TRAF3IP1: variants seen among roughly 807,000 people sequenced by gnomAD.
TRAF3IP1 encodes the protein TRAF3-interacting protein 1.
A neutral mutation model predicts 89.9 loss-of-function variants in TRAF3IP1; 53 were observed. That is an observed-to-expected ratio of 0.59 (90% CI 0.47 to 0.74). The LOEUF is 0.74. TRAF3IP1 is among the 30% of genes least tolerant of loss of function. The pLI is 0.00. For synonymous variants in TRAF3IP1, 311 were observed against 322.1 expected (o/e 0.97, Z 0.37); for missense variants, 806 against 866.1 (o/e 0.93, Z 0.87).
At chr2:238,383,151 C>T (rs1050196465) in intron 15 of TRAF3IP1, among the ~76,000 whole-genome samples, 2 of 152,186 alleles carry the variant, frequency 1.3e-5, no homozygotes, top group African/African-American at 4.8e-5. Flanking sequence ...GGAATACTCA[C>T]CCACTATAGG....
intron 8 of TRAF3IP1, among the ~76,000 whole-genome samples, chr2:238,338,765 A>G (rs575060303): frequency 4.6e-5 from 7 of 152,358 alleles, no homozygotes; most frequent in Non-Finnish European, 8.8e-5. Context: ...GGCTGATGAC[A>G]TAGAGAAACG....
At chr2:238,372,135 T>A (rs1171715874) in intron 15 of TRAF3IP1, among the ~76,000 whole-genome samples, 1 of 152,170 alleles carries the variant, frequency 6.6e-6, no homozygotes, top group African/African-American at 2.4e-5. Flanking sequence ...CACTTTCTTT[T>A]TCATTTTTAT....
chr2:238,370,972 G>A (rs1700085625), intron 15 of TRAF3IP1, among the ~76,000 whole-genome samples: 1 of 152,186 alleles, frequency 6.6e-6, no homozygotes, highest in Non-Finnish European at 1.5e-5. Context: ...CCCATCACGA[G>A]GCCTCTGAGT....
chr2:238,344,356 C>T, intron 8 of TRAF3IP1, 141 bp from the exon 9 acceptor site: 1 of 680,962 alleles, frequency 1.5e-6, no homozygotes. Context: ...TAAAAGCTGC[C>T]TTTGGTCAGT....
rs149035336 is a variant in TRAF3IP1, at chr2:238,350,096, A to G, written c.1451+688A>G. Among the ~76,000 whole-genome samples the G allele has an allele frequency of 1.0e-3, 154 of 152,256 alleles. 2 individuals are homozygous for G. The highest frequency in any genetic ancestry group is 3.5e-3 in the African/African-American group (145 of 41,562). ...AAAAAAAAATAAAGTCATAAGCAAT[A>G]TAAAGACAAACAACAGATAGGATGG... On this transcript the variant is annotated intron_variant, in intron 12 of 16. Coordinates refer to ENST00000373327, the MANE Select transcript of TRAF3IP1 (RefSeq NM_015650.4).
chr2:238,351,205 A>AC lies in TRAF3IP1; in HGVS notation c.1452-1619dup, dbSNP rs1471173437. Among the ~76,000 whole-genome samples the AC allele has an allele frequency of 1.3e-5, 2 of 151,936 alleles. No individual in the cohort carries two copies. The highest frequency in any genetic ancestry group is 2.9e-5 in the Non-Finnish European group (2 of 67,992). ...GGGATCATCCCAGCAGGGTTCAGGG[A>AC]CCCAAGGCCAGGATTTTGGAAGGAT... is the stretch of plus-strand genomic sequence containing the variant. On this transcript the variant is annotated intron_variant, in intron 12 of 16. Coordinates refer to ENST00000373327, the MANE Select transcript of TRAF3IP1 (RefSeq NM_015650.4). The surrounding 1 kb of genome is among the most constrained non-coding windows in gnomAD (Gnocchi z 5.2).
intron 3 of TRAF3IP1, among the ~76,000 whole-genome samples, chr2:238,328,083 T>C (rs181659925): frequency 6.6e-6 from 1 of 152,304 alleles, no homozygotes; most frequent in African/African-American, 2.4e-5. Context: ...CCGTTTTCTA[T>C]TTTTTTGGAT....
Position 238,365,387 on chromosome 2 carries a change from C to T in TRAF3IP1, c.1689+9307C>T, listed in dbSNP as rs142271499. 7.1e-3 allele frequency among the ~76,000 whole-genome samples: 1,077 copies of T among 152,208 alleles called. 12 individuals carry two copies. The highest frequency in any genetic ancestry group is 0.024 in the African/African-American group (991 of 41,498). On this transcript the variant is annotated intron_variant, in intron 15 of 16. Coordinates refer to ENST00000373327, the MANE Select transcript of TRAF3IP1 (RefSeq NM_015650.4). The stretch of plus-strand genomic sequence containing the variant: ...GTTAAAGAAATAAAAATGGGCCAGG[C>T]GCGGTGGCCAACGTTTGTAATCCTA...
intron 7 of TRAF3IP1, among the ~76,000 whole-genome samples, chr2:238,335,132 C>A (rs1698323431): frequency 6.6e-6 from 1 of 152,102 alleles, no homozygotes; most frequent in East Asian, 1.9e-4. Context: ...CAGTTTGTTT[C>A]TACTAATTAT....
At chr2:238,384,590 G>C (rs1377338545) in intron 15 of TRAF3IP1, among the ~76,000 whole-genome samples, 1 of 122,900 alleles carries the variant, frequency 8.1e-6, no homozygotes, top group Non-Finnish European at 1.7e-5. Flanking sequence ...TTACCATGTT[G>C]GCCAGGCTGG....
At chr2:238,322,282 G>A (rs796760635) in intron 1 of TRAF3IP1, among the ~76,000 whole-genome samples, 2 of 152,366 alleles carry the variant, frequency 1.3e-5, no homozygotes, top group South Asian at 4.1e-4. Flanking sequence ...AGAGCCCCAG[G>A]AGGGAGGTGC....
intron 15 of TRAF3IP1, among the ~76,000 whole-genome samples, chr2:238,372,205 T>C (rs1206883963): frequency 6.6e-6 from 1 of 152,210 alleles, no homozygotes; most frequent in East Asian, 1.9e-4. Flanking sequence ...TAGGTATACA[T>C]GTGCCATGTT....
At chr2:238,370,510 C>T (rs528531145) in intron 15 of TRAF3IP1, among the ~76,000 whole-genome samples, 3 of 152,108 alleles carry the variant, frequency 2.0e-5, no homozygotes, top group Admixed American at 6.5e-5. Context: ...TCTCCCTGGC[C>T]GTGTGGGTGC....
chr2:238,383,448 C>T (rs931666290), intron 15 of TRAF3IP1, among the ~76,000 whole-genome samples: 10 of 152,198 alleles, frequency 6.6e-5, no homozygotes, highest in Admixed American at 1.3e-4. Context: ...TGTCAGTCAT[C>T]ATCCAACAGG....
At chr2:238,377,920 G>A (rs1350012527) in intron 15 of TRAF3IP1, among the ~76,000 whole-genome samples, 1 of 152,120 alleles carries the variant, frequency 6.6e-6, no homozygotes, top group Admixed American at 6.6e-5. Context: ...CATTTTGACT[G>A]TCAGTTTTTT....
At position 238,351,073 on chromosome 2, in the gene TRAF3IP1, A is replaced by C. The variant is rs1461292411; in HGVS notation, c.1451+1665A>C. On this transcript the variant is annotated intron_variant, in intron 12 of 16. Transcript: ENST00000373327. The surrounding 1 kb of genome is among the most constrained non-coding windows in gnomAD (Gnocchi z 5.2). ...GGTCCTAGGGCGGTGAGCTGGGAATATAGATAGTGGTGGTAAAGGAGTGGG... is the reference window on the plus strand; with the variant it reads ...GGTCCTAGGGCGGTGAGCTGGGAATCTAGATAGTGGTGGTAAAGGAGTGGG... Among the ~76,000 whole-genome samples, 2 of 152,086 alleles carry C rather than the reference A, an allele frequency of 1.3e-5. No individual in the cohort carries two copies. Among genetic ancestry groups the C allele is most frequent in the Non-Finnish European group, 2.9e-5 (2 of 68,016 alleles).
intron 15 of TRAF3IP1, among the ~76,000 whole-genome samples, chr2:238,395,789 C>T (rs1484462646): frequency 6.6e-6 from 1 of 152,196 alleles, no homozygotes; most frequent in Non-Finnish European, 1.5e-5. Context: ...TGCTTATCAT[C>T]ACTGGCCATC....
intron 1 of TRAF3IP1, among the ~76,000 whole-genome samples, chr2:238,322,950 T>C (rs1201530654): frequency 6.6e-6 from 1 of 152,240 alleles, no homozygotes; most frequent in Non-Finnish European, 1.5e-5. Context: ...AATGCTTTAC[T>C]GTACTGAATA....
intron 8 of TRAF3IP1, 91 bp from the exon 9 acceptor site, chr2:238,344,406 T>A (rs1307602264): frequency 2.0e-6 from 2 of 984,370 alleles, no homozygotes; most frequent in Non-Finnish European, 3.1e-6. Context: ...AAAACATAGA[T>A]AAGTAAGTGT....
Sources: gnomAD v4.1 joint callset for allele counts (sites outside exome capture counted in the v4.1 genomes callset) on GRCh38, gnomAD v4.1.1 for gene constraint, Gnocchi (gnomAD v3.1) non-coding constraint, MANE v1.5 for transcripts, NCBI Gene and HGNC (gene_info 2026-07-23, HGNC 2026-07-21) for gene names.